Variants in AKAP13 observed in about 807,000 individuals in gnomAD.
The protein encoded by AKAP13 is A-kinase anchor protein 13.
Under a neutral mutation model 264.5 loss-of-function variants are expected in AKAP13, and 80 were observed. The ratio of observed to expected loss-of-function variants is 0.30; its 90% CI spans 0.25 to 0.36. The LOEUF is 0.36. Ranked by LOEUF, AKAP13 falls within the 10% of genes least tolerant of loss-of-function variation. The pLI, the probability that AKAP13 is intolerant of heterozygous loss-of-function variation, is 1.00. For missense variants in AKAP13, 3,712 were observed against 3,435.2 expected, an observed-to-expected ratio of 1.08 and a Z score of -2.01; for synonymous variants, 1,380 against 1,250.2, an observed-to-expected ratio of 1.10 and a Z score of -2.19.
Position 85,744,530 on chromosome 15 carries a change from G to T in AKAP13, c.8393-98G>T, listed in dbSNP as rs540148179. The stretch of plus-strand genomic sequence containing the variant: ...AGTTAATTGCCCATAAGCCCCAGTC[G>T]CCTGTTTGCATTACAGAAGACTTTG... On this transcript the variant is annotated intron_variant, in intron 36 of 36. Coordinates refer to ENST00000394518, the MANE Select transcript of AKAP13 (RefSeq NM_007200.5). 42 of 1,294,500 alleles carry T rather than the reference G, an allele frequency of 3.2e-5. No homozygotes were observed. The East Asian group carries it at 7.2e-4, about 22-fold the overall frequency. 80.2% of individuals were successfully genotyped at this position (1,294,500 alleles called of 1,614,324 possible). A position where few individuals can be genotyped will look rare whatever the true frequency, so the allele number is the denominator to read the frequency against.
chr15:85,573,644 A>G (rs1481989257), intron 5 of AKAP13, among the ~76,000 whole-genome samples: 1 of 152,112 alleles, frequency 6.6e-6, no homozygotes, highest in African/African-American at 2.4e-5. Context: ...TCATATAAGG[A>G]GGAAAGGGTT....
chr15:85,381,324 C>T (rs1461200770), intron 1 of AKAP13, among the ~76,000 whole-genome samples: 2 of 151,946 alleles, frequency 1.3e-5, no homozygotes, highest in Non-Finnish European at 2.9e-5. Flanking sequence ...TCGGGCCGCG[C>T]CTGCCTGTCG....
intron 17 of AKAP13, among the ~76,000 whole-genome samples, chr15:85,693,721 C>A (rs946377959): frequency 1.3e-5 from 2 of 152,184 alleles, no homozygotes; most frequent in African/African-American, 4.8e-5. Flanking sequence ...AAAAGCAATA[C>A]ACGTTCAGTA....
intron 1 of AKAP13, among the ~76,000 whole-genome samples, chr15:85,390,276 G>C (rs1037476743): frequency 9.2e-5 from 14 of 152,172 alleles, no homozygotes; most frequent in Admixed American, 9.2e-4. Flanking sequence ...ATTCTAGGAA[G>C]GATATGAAGA....
chr15:85,669,871 C>T, intron 14 of AKAP13, 41 bp downstream of exon 14: 1 of 1,389,264 alleles, frequency 7.2e-7, no homozygotes, highest in Non-Finnish European at 1.0e-6. Flanking sequence ...TATATTAAAT[C>T]TTAACCACTC....
At chr15:85,636,496 C>G (rs907052048) in intron 8 of AKAP13, among the ~76,000 whole-genome samples, 1 of 152,136 alleles carries the variant, frequency 6.6e-6, no homozygotes, top group African/African-American at 2.4e-5. Flanking sequence ...TAGTCTTTCA[C>G]CAATAAATAT....
chr15:85,418,115 G>T (rs957496503), intron 1 of AKAP13, among the ~76,000 whole-genome samples: 1 of 150,306 alleles, frequency 6.7e-6, no homozygotes, highest in African/African-American at 2.4e-5. Context: ...TGTCCCTGTT[G>T]CCCAGGCTGG....
intron 8 of AKAP13, among the ~76,000 whole-genome samples, chr15:85,624,207 ATTC>A (rs2151428099): frequency 6.6e-6 from 1 of 152,332 alleles, no homozygotes; most frequent in East Asian, 1.9e-4. Flanking sequence ...TAGTAATGTG[ATTC>A]TTCTTGTTAC....
intron 2 of AKAP13, among the ~76,000 whole-genome samples, chr15:85,487,570 T>C (rs1395653294): frequency 1.3e-5 from 2 of 152,226 alleles, no homozygotes; most frequent in African/African-American, 4.8e-5. Context: ...TTAAATAGTT[T>C]TTATTTATTT....
chr15:85,742,853 G>A (rs1052308207), intron 35 of AKAP13, among the ~76,000 whole-genome samples: 1 of 152,094 alleles, frequency 6.6e-6, no homozygotes, highest in African/African-American at 2.4e-5. Flanking sequence ...GGCAGTTGTA[G>A]CTTTCTGCAG....
rs748298509 is a variant in AKAP13 at position 85,581,893 on chromosome 15, C to G, written c.3825C>G (p.Ala1275=). ...GAGCACTGCTTACTGAGGGGGAGGC[C>G]TGTCACATGTCACTGTCCAGCCCTG... ...AAGALLTEGE[A]CHMSLSSPEL... Residue 1275 remains alanine (A), a synonymous_variant, in exon 7 of 37, where the codon GCC becomes GCG. Coordinates refer to ENST00000394518, the MANE Select transcript of AKAP13 (RefSeq NM_007200.5). 1.9e-6 allele frequency: 3 copies of G among 1,614,194 alleles called. No individual in the cohort carries two copies. In the South Asian group the frequency reaches 3.3e-5, roughly 18 times the overall value.
At chr15:85,400,856 A>ATG (rs1173616750) in intron 1 of AKAP13, among the ~76,000 whole-genome samples, 4 of 111,892 alleles carry the variant, frequency 3.6e-5, no homozygotes, top group East Asian at 4.2e-4. Flanking sequence ...ATATATATAT[A>ATG]TGTATATATA....
chr15:85,496,742 A>AT (rs2151082309), intron 2 of AKAP13, among the ~76,000 whole-genome samples: 1 of 152,254 alleles, frequency 6.6e-6, no homozygotes, highest in Non-Finnish European at 1.5e-5. Context: ...TCTTAAATGG[A>AT]TTACCTGCCT....
intron 8 of AKAP13, among the ~76,000 whole-genome samples, chr15:85,614,346 C>T (rs1426028342): frequency 6.6e-6 from 1 of 152,166 alleles, no homozygotes; most frequent in African/African-American, 2.4e-5. Context: ...TGTATCTGTT[C>T]ATTTTCAGGA....
At chr15:85,603,852 C>G (rs1185296543) in intron 8 of AKAP13, among the ~76,000 whole-genome samples, 2 of 152,188 alleles carry the variant, frequency 1.3e-5, no homozygotes, top group Non-Finnish European at 2.9e-5. Context: ...TCTCCTTCCC[C>G]ACACTGGAAC....
At chr15:85,483,782 G>T (rs2075432623) in intron 1 of AKAP13, among the ~76,000 whole-genome samples, 1 of 152,144 alleles carries the variant, frequency 6.6e-6, no homozygotes, top group Non-Finnish European at 1.5e-5. Context: ...CTGCGCTCTA[G>T]CCTGGGCGAC....
chr15:85,744,566 G>A (rs1427235668), intron 36 of AKAP13, 62 bp from the exon 37 acceptor site: 4 of 1,560,530 alleles, frequency 2.6e-6, no homozygotes, highest in East Asian at 2.2e-5. Flanking sequence ...GGATGGGGAG[G>A]AAGTTCAATG....
rs1435870189 is a variant in AKAP13 at position 85,749,003 on chromosome 15, GCTGCC to G, written c.*4328_*4332del. ...CTTAGCCTGTGGTCTCCTGTGTGCTGCTGCCCGCATGGGATGCGCAGGGGAGGCGT... is the reference window on the plus strand; with the variant it reads ...CTTAGCCTGTGGTCTCCTGTGTGCTGCGCATGGGATGCGCAGGGGAGGCGT... On this transcript the variant is annotated 3_prime_UTR_variant, in exon 37 of 37. Coordinates refer to ENST00000394518, the MANE Select transcript of AKAP13 (RefSeq NM_007200.5). 1 of 152,426 alleles carries G rather than the reference GCTGCC, an allele frequency of 6.6e-6. No homozygotes were observed. The highest frequency in any genetic ancestry group is 1.5e-5 in the Non-Finnish European group (1 of 68,162). 9.4% of individuals were successfully genotyped at this position (152,426 alleles called of 1,614,324 possible).
intron 1 of AKAP13, among the ~76,000 whole-genome samples, chr15:85,398,579 A>G (rs1355158676): frequency 1.3e-5 from 2 of 150,912 alleles, no homozygotes; most frequent in Non-Finnish European, 2.9e-5. Flanking sequence ...TTGTTGAGAC[A>G]GAGTCTCACT....
Sources: gnomAD v4.1 joint callset for allele counts (sites outside exome capture counted in the v4.1 genomes callset) on GRCh38, gnomAD v4.1.1 for gene constraint, MANE v1.5 for transcripts, NCBI Gene and HGNC (gene_info 2026-07-23, HGNC 2026-07-21) for gene names.